ARL14EPL: variants seen among roughly 807,000 people sequenced by gnomAD.
The protein encoded by ARL14EPL is ARF like GTPase 14 effector protein like.
ARL14EPL carries 17 observed loss-of-function variants against 15.9 expected under a neutral mutation model. The ratio of observed to expected loss-of-function variants is 1.07; its 90% CI spans 0.73 to 1.60. The LOEUF is 1.60. ARL14EPL is among the 40% of genes most tolerant of loss of function. The pLI is 0.00. For missense variants in ARL14EPL, 214 were observed against 185.9 expected, an observed-to-expected ratio of 1.15 and a Z score of -0.88; for synonymous variants, 78 against 63.8, an observed-to-expected ratio of 1.22 and a Z score of -1.06.
At chr5:116,050,368 T>C (rs1749347137) in intron 1 of ARL14EPL, among the ~76,000 whole-genome samples, 1 of 152,226 alleles carries the variant, frequency 6.6e-6, no homozygotes, top group South Asian at 2.1e-4. Context: ...TTTCTGTATT[T>C]GTTCACTTCA....
At chr5:116,058,683 A>G in intron 3 of ARL14EPL, 42 bp from the exon 4 acceptor site, 3 of 1,502,948 alleles carry the variant, frequency 2.0e-6, no homozygotes, top group Non-Finnish European at 2.7e-6. Flanking sequence ...AATGTTGAGG[A>G]TGATTGCACT....
intron 1 of ARL14EPL, among the ~76,000 whole-genome samples, chr5:116,037,410 A>G (rs1012204): frequency 0.049 from 7,492 of 152,198 alleles, 525 homozygotes; most frequent in African/African-American, 0.16. Context: ...CATATCACAG[A>G]GGCCCCTTCC....
intron 1 of ARL14EPL, 143 bp from the exon 2 acceptor site, chr5:116,051,314 G>A (rs1749372324): frequency 1.7e-6 from 1 of 600,028 alleles, no homozygotes; most frequent in South Asian, 2.3e-5. Flanking sequence ...AACAGTGAGT[G>A]GGAGAAAAGG....
At chr5:116,036,401 A>G (rs896130666) in intron 1 of ARL14EPL, among the ~76,000 whole-genome samples, 5 of 27,432 alleles carry the variant, frequency 1.8e-4, no homozygotes, top group African/African-American at 7.7e-4. Flanking sequence ...TCGTATAGAA[A>G]TGGATGTCCA....
intron 1 of ARL14EPL, among the ~76,000 whole-genome samples, chr5:116,046,369 A>G (rs1013154755): frequency 6.6e-6 from 1 of 152,204 alleles, no homozygotes; most frequent in African/African-American, 2.4e-5. Flanking sequence ...ACTCTACCCC[A>G]TGCAAGACAC....
chr5:116,051,615 A>C lies in ARL14EPL; in HGVS notation c.96+54A>C, dbSNP rs1006426250. On this transcript the variant is annotated intron_variant, in intron 2 of 3. Transcript: ENST00000686077. Reference sequence around the variant, plus strand: ...GCTACTGGGGAGTGCCCCCTCGAGGATCTCTGAGATGCCCATGGATGTGGG... The same window carrying C: ...GCTACTGGGGAGTGCCCCCTCGAGGCTCTCTGAGATGCCCATGGATGTGGG... The C allele has an allele frequency of 3.6e-6, 5 of 1,388,736 alleles. No homozygotes were observed. In the African/African-American group the frequency reaches 7.2e-5, roughly 20 times the overall value. The allele number at this position is 1,388,736 out of a possible 1,614,324, so 86.0% of individuals were successfully genotyped here. A position where few individuals can be genotyped will look rare whatever the true frequency, so the allele number is the denominator to read the frequency against.
At chr5:116,034,669 T>A (rs1021416334) in intron 1 of ARL14EPL, among the ~76,000 whole-genome samples, 1 of 140,062 alleles carries the variant, frequency 7.1e-6, no homozygotes, top group Non-Finnish European at 1.6e-5. Flanking sequence ...ACCTGCTGAG[T>A]GTCTTCTGTG....
At chr5:116,055,229 A>G (rs1749487142) in intron 3 of ARL14EPL, among the ~76,000 whole-genome samples, 1 of 152,232 alleles carries the variant, frequency 6.6e-6, no homozygotes, top group South Asian at 2.1e-4. Context: ...ATTAAGTGTA[A>G]AAAGGTACAA....
intron 1 of ARL14EPL, among the ~76,000 whole-genome samples, chr5:116,037,029 T>A (rs1749060920): frequency 1.3e-5 from 2 of 152,150 alleles, no homozygotes; most frequent in African/African-American, 4.8e-5. Flanking sequence ...AACCACTGCA[T>A]TAGGGGTTTT....
chr5:116,057,695 G>A (rs1355176414), intron 3 of ARL14EPL, among the ~76,000 whole-genome samples: 1 of 152,184 alleles, frequency 6.6e-6, no homozygotes. Context: ...CAGGCAGCAA[G>A]TACACATAAT....
intron 1 of ARL14EPL, among the ~76,000 whole-genome samples, chr5:116,032,772 A>G (rs1015129269): frequency 3.9e-5 from 6 of 152,098 alleles, no homozygotes; most frequent in African/African-American, 1.2e-4. Flanking sequence ...ATAGCTGTGT[A>G]TTCTGAGTTT....
rs1056992250 is a variant in ARL14EPL, at chr5:116,052,126, G to T, written c.96+565G>T. ...GAACTTCCTTACAGAGTTTGTCATA[G>T]GTAGCTTTGTCAAACAAGACTAAGT... is the stretch of plus-strand genomic sequence containing the variant. On this transcript the variant is annotated intron_variant, in intron 2 of 3. Coordinates refer to ENST00000686077, the MANE Select transcript of ARL14EPL (RefSeq NM_001195581.2). The T allele has an allele frequency of 6.2e-6, 10 of 1,612,366 alleles. No homozygotes were observed. In the South Asian group the frequency reaches 9.9e-5, roughly 16 times the overall value.
intron 1 of ARL14EPL, among the ~76,000 whole-genome samples, chr5:116,042,701 G>T (rs189386593): frequency 0.034 from 5,197 of 152,210 alleles, 150 homozygotes; most frequent in Non-Finnish European, 0.048. Flanking sequence ...AAGCTAGAGA[G>T]TTTCCTACTG....
intron 3 of ARL14EPL, 107 bp downstream of exon 3, chr5:116,054,260 AT>A (rs1207166245): frequency 2.5e-6 from 3 of 1,214,016 alleles, no homozygotes; most frequent in Non-Finnish European, 3.3e-6. Context: ...TTATTTAAAA[AT>A]ATCTCCTCTG....
chr5:116,040,131 C>T (rs531437665), intron 1 of ARL14EPL, among the ~76,000 whole-genome samples: 3 of 152,160 alleles, frequency 2.0e-5, no homozygotes, highest in South Asian at 2.1e-4. Context: ...TAAATTTTTG[C>T]GAAGATCTTT....
chr5:116,039,136 G>A (rs1246997790), intron 1 of ARL14EPL, among the ~76,000 whole-genome samples: 1 of 152,196 alleles, frequency 6.6e-6, no homozygotes. Context: ...TGTACCCCAG[G>A]AGGGAGTGTA....
chr5:116,046,885 T>A (rs1029331536), intron 1 of ARL14EPL, among the ~76,000 whole-genome samples: 78 of 152,150 alleles, frequency 5.1e-4, no homozygotes, highest in African/African-American at 1.8e-3. Flanking sequence ...GGTAATTAAG[T>A]TTAAATGAGG....
Position 116,058,832 on chromosome 5 carries a change from G to A in ARL14EPL, c.344G>A (p.Cys115Tyr), listed in dbSNP as rs1561582689. The part of the protein sequence containing the change: ...CLGCFYPCPK[C>Y]NSNKCGPECR... The stretch of plus-strand genomic sequence containing the variant: ...GGCTGCTTCTACCCATGCCCGAAGT[G>A]TAACTCCAACAAGTGTGGGCCCGAG... Residue 115 changes from cysteine to tyrosine, a missense_variant, in exon 4 of 4, where the codon TGT (cysteine) becomes TAT (tyrosine). Transcript: ENST00000686077. The A allele has an allele frequency of 6.5e-7, 1 of 1,535,892 alleles. No homozygotes were observed. Among genetic ancestry groups the A allele is most frequent in the Non-Finnish European group, 8.7e-7 (1 of 1,146,706 alleles).
chr5:116,051,759 C>T (rs1273240052), intron 2 of ARL14EPL, among the ~76,000 whole-genome samples, 198 bp downstream of exon 2: 2 of 152,248 alleles, frequency 1.3e-5, no homozygotes, highest in African/African-American at 4.8e-5. Context: ...ATCTCCTCTC[C>T]ACCTCCTGTG....
Sources: allele counts gnomAD v4.1 joint callset (sites outside exome capture counted in the v4.1 genomes callset), GRCh38; gene constraint gnomAD v4.1.1; transcripts MANE v1.5; gene names NCBI Gene and HGNC (gene_info 2026-07-23, HGNC 2026-07-21).